INSR: variants seen among roughly 807,000 people sequenced by gnomAD.
The protein encoded by INSR is IR.
In INSR, 67 loss-of-function variants were observed where a neutral mutation model predicts 142.6. That is an observed-to-expected ratio of 0.47 (90% confidence interval 0.39 to 0.58). The LOEUF (loss-of-function observed/expected upper bound fraction) is 0.58. Ranked by LOEUF, INSR falls within the 20% of genes least tolerant of loss-of-function variation. The pLI, the probability that INSR is intolerant of heterozygous loss-of-function variation, is 0.00. For missense variants in INSR, 1,248 were observed against 1,833.2 expected, an observed-to-expected ratio of 0.68 and a Z score of 5.83; for synonymous variants, 756 against 743.1, an observed-to-expected ratio of 1.02 and a Z score of -0.28.
At chr19:7,241,726 G>C (rs918159540) in intron 2 of INSR, among the ~76,000 whole-genome samples, 1 of 152,122 alleles carries the variant, frequency 6.6e-6, no homozygotes, top group Non-Finnish European at 1.5e-5. Context: ...ACTTGGGGTT[G>C]CTACTGGTAT....
chr19:7,258,173 G>A (rs1443000562), intron 2 of INSR, among the ~76,000 whole-genome samples: 3 of 152,156 alleles, frequency 2.0e-5, no homozygotes, highest in Non-Finnish European at 4.4e-5. Context: ...AGTGGCTCAC[G>A]CCTATAGTCC....
chr19:7,239,576 T>C (rs1976276605), intron 2 of INSR, among the ~76,000 whole-genome samples: 1 of 152,014 alleles, frequency 6.6e-6, no homozygotes, highest in South Asian at 2.1e-4. Context: ...CTCCATTCCC[T>C]GTGACTTCAA....
chr19:7,204,440 T>C (rs1241000714), intron 2 of INSR, among the ~76,000 whole-genome samples: 1 of 152,140 alleles, frequency 6.6e-6, no homozygotes, highest in African/African-American at 2.4e-5. Context: ...GGCCTCGTTT[T>C]CCCGGGGGGC....
intron 21 of INSR, among the ~76,000 whole-genome samples, chr19:7,117,633 G>T (rs975827750): frequency 6.6e-6 from 1 of 152,130 alleles, no homozygotes; most frequent in Non-Finnish European, 1.5e-5. Context: ...TGGACACAGC[G>T]TCTCATTCTG....
At chr19:7,155,250 T>A (rs1973559634) in intron 9 of INSR, among the ~76,000 whole-genome samples, 1 of 150,962 alleles carries the variant, frequency 6.6e-6, no homozygotes, top group African/African-American at 2.4e-5. Flanking sequence ...TTAAAAAACG[T>A]CTGGCCAGGC....
At chr19:7,271,106 A>G (rs1967914818) in intron 1 of INSR, among the ~76,000 whole-genome samples, 1 of 152,010 alleles carries the variant, frequency 6.6e-6, no homozygotes, top group African/African-American at 2.4e-5. Flanking sequence ...GCTGTTGGAC[A>G]TTAGAGAAAT....
At chr19:7,210,640 C>T (rs1231308268) in intron 2 of INSR, among the ~76,000 whole-genome samples, 1 of 151,930 alleles carries the variant, frequency 6.6e-6, no homozygotes, top group African/African-American at 2.4e-5. Context: ...AAGGCACTGG[C>T]CTCTGGCATA....
intron 2 of INSR, among the ~76,000 whole-genome samples, chr19:7,199,523 A>G (rs2396188): frequency 0.36 from 53,041 of 148,080 alleles, 9,970 homozygotes; most frequent in East Asian, 0.45. Context: ...TCAGCCTCCC[A>G]AGGAGCTAGG....
At chr19:7,123,604 A>G (rs536849576) in intron 17 of INSR, among the ~76,000 whole-genome samples, 1 of 152,102 alleles carries the variant, frequency 6.6e-6, no homozygotes, top group South Asian at 2.1e-4. Context: ...TCATGTTTCC[A>G]TAGCATTTGC....
At chr19:7,162,477 C>A (rs1360318599) in intron 9 of INSR, among the ~76,000 whole-genome samples, 2 of 149,978 alleles carry the variant, frequency 1.3e-5, no homozygotes, top group Admixed American at 1.3e-4. Flanking sequence ...TGCCACTGCA[C>A]TCCAGCCTGG....
At position 7,119,639 on chromosome 19, in the gene INSR, C is replaced by A. The variant is rs537517354; in HGVS notation, c.3660-56G>T. 1.3e-6 allele frequency: 2 copies of A among 1,586,000 alleles called. No homozygotes were observed. Among genetic ancestry groups the A allele is most frequent in the Non-Finnish European group, 1.7e-6 (2 of 1,162,832 alleles). On this transcript the variant is annotated intron_variant, in intron 20 of 21. Transcript: ENST00000302850. The surrounding 1 kb of genome is among the most constrained non-coding windows in gnomAD (Gnocchi z 5.2). ...GAAGCCATTTAGACACACACACACACGCGCGCGCGCAAACACACACACGCA... is the reference window on the plus strand; with the variant it reads ...GAAGCCATTTAGACACACACACACAAGCGCGCGCGCAAACACACACACGCA...
At chr19:7,152,015 A>G (rs1189748606) in intron 10 of INSR, 3 of 147,162 alleles carry the variant, frequency 2.0e-5, no homozygotes, top group African/African-American at 7.7e-5. Flanking sequence ...TATGTTGCCC[A>G]GGCTGGCCTC....
chr19:7,153,036 ACACAC>A, intron 9 of INSR, 109 bp from the exon 10 acceptor site: 1 of 359,184 alleles, frequency 2.8e-6, no homozygotes, highest in Non-Finnish European at 4.3e-6. Flanking sequence ...CCACACACAC[ACACAC>A]CACACACCCC....
chr19:7,221,688 AC>A (rs1375111419), intron 2 of INSR, among the ~76,000 whole-genome samples: 1 of 152,026 alleles, frequency 6.6e-6, no homozygotes, highest in African/African-American at 2.4e-5. Context: ...AGCCTGGGCT[AC>A]AGAGTGAGAT....
At position 7,275,422 on chromosome 19, in the gene INSR, T is replaced by A. The variant is rs1260435238; in HGVS notation, c.101-7526A>T. 2.0e-5 allele frequency among the ~76,000 whole-genome samples: 3 copies of A among 152,230 alleles called. No individual in the cohort carries two copies. The East Asian group carries it at 5.8e-4, about 29-fold the overall frequency. On this transcript the variant is annotated intron_variant, in intron 1 of 21. Transcript: ENST00000302850. ...TCCAGTAACAGAACTGAGTACTAAT[T>A]TTTTTTACATTTCCATGAATTAAAT...
chr19:7,122,952 G>A lies in INSR; in HGVS notation c.3296C>T (p.Thr1099Met), dbSNP rs1209792886. The A allele has an allele frequency of 6.2e-6, 10 of 1,607,418 alleles. No individual in the cohort carries two copies. The highest frequency in any genetic ancestry group is 4.5e-5 in the East Asian group (2 of 44,606). The change falls in exon 18 of 22, where the codon ACG becomes ATG. Residue 1099 changes from threonine to methionine, a missense_variant. Around this residue, in one of 3 missense-constraint regions of INSR, gnomAD observed 1,069 missense variants for 1,654.0 expected, o/e 0.65. Transcript: ENST00000302850. ...LLGVVSKGQP[T>M]LVVMELMAHG... ...AGCCATCAGCTCCATCACCACCAGC[G>A]TGGGCTGGCCCTTGGACACCACTCC...
rs1206900353 is a variant in INSR, at chr19:7,122,859, G to T, written c.3369+20C>A. On this transcript the variant is annotated intron_variant, in intron 18 of 21. Coordinates refer to ENST00000302850, the MANE Select transcript of INSR (RefSeq NM_000208.4). ...GGGTGCTCCACCGAGTACCCCGCTG[G>T]GTCCCCCGAAGCAGCTTACCTCAGC... The T allele has an allele frequency of 4.3e-6, 7 of 1,609,630 alleles. No homozygotes were observed. In the African/African-American group the frequency reaches 6.7e-5, roughly 15 times the overall value.
Position 7,125,471 on chromosome 19 carries a change from T to C in INSR, c.3070A>G (p.Thr1024Ala). The C allele has an allele frequency of 6.2e-7, 1 of 1,613,862 alleles. No homozygotes were observed. The highest frequency in any genetic ancestry group is 8.5e-7 in the Non-Finnish European group (1 of 1,179,962). ...DEWEVSREKI[T>A]LLRELGQGSF... ...CCCTGCCCCAGCTCTCGAAGGAGGG[T>C]GATCTTCTCTCGAGACACCTCCCAC... Residue 1024 changes from threonine (T) to alanine (A), a missense_variant, in exon 17 of 22, where the codon ACC (threonine) becomes GCC (alanine). Thr to Ala is a moderately conservative substitution (Grantham distance 58). Transcript: ENST00000302850. The surrounding 1 kb of genome is among the most constrained non-coding windows in gnomAD (Gnocchi z 4.9).
At position 7,290,496 on chromosome 19, in the gene INSR, G is replaced by A. The variant is rs534428805; in HGVS notation, c.100+3296C>T. On this transcript the variant is annotated intron_variant, in intron 1 of 21. Coordinates refer to ENST00000302850, the MANE Select transcript of INSR (RefSeq NM_000208.4). ...CCAATCAAAATGCCATATTGGGCCCGGAGTGATGGCTCACACCTATAATCC... is the reference window on the plus strand; with the variant it reads ...CCAATCAAAATGCCATATTGGGCCCAGAGTGATGGCTCACACCTATAATCC... Among the ~76,000 whole-genome samples the A allele has an allele frequency of 5.7e-4, 86 of 151,998 alleles. 1 individual carries two copies. Among genetic ancestry groups the A allele is most frequent in the Non-Finnish European group, 4.9e-4 (33 of 67,988 alleles).
Sources: gnomAD v4.1 joint callset for allele counts (sites outside exome capture counted in the v4.1 genomes callset) on GRCh38, gnomAD v4.1.1 for gene constraint, gnomAD v4.1.1 regional missense constraint, Gnocchi (gnomAD v3.1) non-coding constraint, MANE v1.5 for transcripts, NCBI Gene and HGNC (gene_info 2026-07-23, HGNC 2026-07-21) for gene names.